Variants in SPECC1 observed in about 807,000 individuals in gnomAD.
SPECC1 encodes sperm antigen with calponin homology and coiled-coil domains 1, also known as cytospin-B.
In SPECC1, 62 loss-of-function variants were observed where a neutral mutation model predicts 104.1. The observed-to-expected ratio is 0.60, with a 90% CI of 0.49 to 0.74. SPECC1 has a LOEUF of 0.74. Among genes scored for constraint, SPECC1 ranks in the 30% least tolerant of loss-of-function variants. The pLI, the probability that SPECC1 is intolerant of heterozygous loss-of-function variation, is 0.00. For synonymous variants in SPECC1, 513 were observed against 501.6 expected (o/e 1.02, Z -0.30); for missense variants, 1,306 against 1,310.5 (o/e 1.00, Z 0.05).
intron 2 of SPECC1, among the ~76,000 whole-genome samples, chr17:20,104,145 C>T (rs1249562698): frequency 1.3e-5 from 2 of 152,006 alleles, no homozygotes; most frequent in Non-Finnish European, 2.9e-5. Flanking sequence ...TGACATTTAC[C>T]CTGGGCCCTT....
At chr17:20,174,042 C>T (rs1016956845) in intron 3 of SPECC1, among the ~76,000 whole-genome samples, 5 of 151,996 alleles carry the variant, frequency 3.3e-5, no homozygotes, top group African/African-American at 9.7e-5. Context: ...AAGCGATCCT[C>T]CTGCTCAACC....
chr17:20,209,300 A>G (rs975742636), intron 4 of SPECC1, among the ~76,000 whole-genome samples: 1 of 152,184 alleles, frequency 6.6e-6, no homozygotes, highest in African/African-American at 2.4e-5. Flanking sequence ...GCTTGGCGAA[A>G]GGTGAATATT....
At chr17:20,096,974 G>A (rs2047679188) in intron 2 of SPECC1, among the ~76,000 whole-genome samples, 176 bp downstream of exon 2, 1 of 152,208 alleles carries the variant, frequency 6.6e-6, no homozygotes, top group Non-Finnish European at 1.5e-5. Flanking sequence ...GCGGGTGGGA[G>A]TGGGGGCCCT....
At chr17:20,242,183 A>T (rs774542913) in intron 7 of SPECC1, among the ~76,000 whole-genome samples, 31 of 152,266 alleles carry the variant, frequency 2.0e-4, no homozygotes, top group Non-Finnish European at 3.4e-4. Context: ...CCTGGATCAG[A>T]ATGAACAATG....
At chr17:20,031,765 T>C (rs2044824114) in intron 1 of SPECC1, among the ~76,000 whole-genome samples, 1 of 152,238 alleles carries the variant, frequency 6.6e-6, no homozygotes, top group African/African-American at 2.4e-5. Context: ...TATTTGTCCT[T>C]TTGTGGCTGG....
intron 13 of SPECC1, among the ~76,000 whole-genome samples, chr17:20,299,574 A>G (rs990787705): frequency 1.0e-4 from 12 of 118,520 alleles, no homozygotes; most frequent in African/African-American, 1.8e-4. Context: ...AAAAAAAAAA[A>G]AAAAAGAAAA....
At chr17:20,183,545 A>G (rs981444416) in intron 3 of SPECC1, among the ~76,000 whole-genome samples, 5 of 152,178 alleles carry the variant, frequency 3.3e-5, no homozygotes, top group Non-Finnish European at 4.4e-5. Flanking sequence ...AGAATCTCCT[A>G]TGGATACTAA....
chr17:20,086,899 C>T (rs565608063), intron 1 of SPECC1: 2 of 152,284 alleles, frequency 1.3e-5, no homozygotes, highest in South Asian at 2.1e-4. Context: ...GCATTGTTTC[C>T]AGAGGAAATA....
At chr17:20,300,408 TA>T (rs2142075428) in intron 13 of SPECC1, among the ~76,000 whole-genome samples, 1 of 152,272 alleles carries the variant, frequency 6.6e-6, no homozygotes, top group Non-Finnish European at 1.5e-5. Flanking sequence ...ACTGAGGAAA[TA>T]GTGGGCATAA....
chr17:20,255,691 A>C (rs2039799605), intron 10 of SPECC1, among the ~76,000 whole-genome samples: 2 of 151,926 alleles, frequency 1.3e-5, no homozygotes, highest in African/African-American at 4.8e-5. Context: ...TCAGCCTTCA[A>C]GTGGCTGGGA....
chr17:20,186,263 A>C (rs149335352), intron 3 of SPECC1, among the ~76,000 whole-genome samples: 1 of 152,350 alleles, frequency 6.6e-6, no homozygotes, highest in African/African-American at 2.4e-5. Flanking sequence ...CCTGGTGCAT[A>C]CAAAAATTAT....
At chr17:20,302,520 G>A (rs1391235218) in intron 13 of SPECC1, among the ~76,000 whole-genome samples, 6 of 151,966 alleles carry the variant, frequency 3.9e-5, no homozygotes, top group African/African-American at 1.4e-4. Context: ...GGTCACAGAT[G>A]TTCTGCTGCT....
intron 7 of SPECC1, among the ~76,000 whole-genome samples, chr17:20,233,309 AGCTCCT>A: frequency 6.6e-6 from 1 of 152,178 alleles, no homozygotes; most frequent in Non-Finnish European, 1.5e-5. Context: ...ATCAGTGGCT[AGCTCCT>A]GAGCCTTTTG....
At chr17:20,018,281 T>A (rs1346747308) in intron 1 of SPECC1, among the ~76,000 whole-genome samples, 4 of 152,236 alleles carry the variant, frequency 2.6e-5, no homozygotes, top group African/African-American at 9.6e-5. Flanking sequence ...TCCTAGACAT[T>A]TTAGTTGGCC....
In SPECC1 at chr17:20,317,055, A is replaced by AT. The variant is rs35118209; in HGVS notation, c.*3004dup. 766 of 177,338 alleles carry AT rather than the reference A, an allele frequency of 4.3e-3. No homozygotes were observed. Among genetic ancestry groups the AT allele is most frequent in the Middle Eastern group, 0.014 (7 of 502 alleles). The allele number at this position is 177,338 out of a possible 1,614,324, so 11.0% of individuals were successfully genotyped here. ...AACTCCAGGAGTTTCCCCGACTACC[A>AT]TTTTTTTTTTTTTTATTTGCCAGTG... On this transcript the variant is annotated 3_prime_UTR_variant, in exon 15 of 15. Coordinates refer to ENST00000395527, the MANE Select transcript of SPECC1 (RefSeq NM_001243439.2).
chr17:20,264,479 T>TGG (rs2151610556), intron 12 of SPECC1, among the ~76,000 whole-genome samples: 1 of 133,286 alleles, frequency 7.5e-6, no homozygotes, highest in African/African-American at 2.8e-5. Context: ...TTTTTTTTTT[T>TGG]TTTTTTTTTT....
At chr17:20,240,060 ATTTT>A (rs748689632) in intron 7 of SPECC1, among the ~76,000 whole-genome samples, 998 of 32,014 alleles carry the variant, frequency 0.031, 4 homozygotes, top group African/African-American at 0.12. Flanking sequence ...TGTCCAGCTA[ATTTT>A]TTTTTTTTTT....
chr17:20,101,711 C>T (rs1208497629), intron 2 of SPECC1, among the ~76,000 whole-genome samples: 1 of 152,160 alleles, frequency 6.6e-6, no homozygotes, highest in Non-Finnish European at 1.5e-5. Context: ...AAGCTTGCTT[C>T]AGCAGAAAAG....
At chr17:20,292,880 C>CT (rs1175989472) in intron 12 of SPECC1, among the ~76,000 whole-genome samples, 1 of 152,208 alleles carries the variant, frequency 6.6e-6, no homozygotes, top group Non-Finnish European at 1.5e-5. Context: ...TTGCTTTCAG[C>CT]TAGATACTCC....
Sources: gnomAD v4.1 joint callset for allele counts (sites outside exome capture counted in the v4.1 genomes callset) on GRCh38, gnomAD v4.1.1 for gene constraint, MANE v1.5 for transcripts, NCBI Gene and HGNC (gene_info 2026-07-23, HGNC 2026-07-21) for gene names.